SIPA1L2: variants seen among roughly 807,000 people sequenced by gnomAD.
The protein encoded by SIPA1L2 is signal-induced proliferation-associated 1-like protein 2.
Under a neutral mutation model 163.9 loss-of-function variants are expected in SIPA1L2, and 56 were observed. That is an observed-to-expected ratio of 0.34 (90% CI 0.28 to 0.43). SIPA1L2 has a LOEUF of 0.43. Ranked by LOEUF, SIPA1L2 falls within the 20% of genes least tolerant of loss-of-function variation. SIPA1L2 has a pLI of 1.00. For synonymous variants in SIPA1L2, 877 were observed against 865.7 expected, an observed-to-expected ratio of 1.01 and a Z score of -0.23; for missense variants, 1,974 against 2,193.5, an observed-to-expected ratio of 0.90 and a Z score of 2.00.
At chr1:232,489,869 C>T (rs1261703184) in intron 5 of SIPA1L2, among the ~76,000 whole-genome samples, 1 of 152,148 alleles carries the variant, frequency 6.6e-6, no homozygotes, top group Admixed American at 6.5e-5. Context: ...AGTTATTTTG[C>T]ACCTGAAACT....
chr1:232,548,529 T>C (rs1181902551), intron 2 of SIPA1L2, among the ~76,000 whole-genome samples: 1 of 152,258 alleles, frequency 6.6e-6, no homozygotes, highest in African/African-American at 2.4e-5. Flanking sequence ...GTAAGTTCAA[T>C]ATACTTTATT....
chr1:232,478,268 T>C (rs140976256), intron 7 of SIPA1L2, among the ~76,000 whole-genome samples: 3 of 152,272 alleles, frequency 2.0e-5, no homozygotes, highest in Admixed American at 2.0e-4. Flanking sequence ...ACTATGATTA[T>C]TAGAAAACAC....
intron 10 of SIPA1L2, among the ~76,000 whole-genome samples, chr1:232,456,580 T>G (rs1238551835): frequency 6.6e-6 from 1 of 152,244 alleles, no homozygotes; most frequent in East Asian, 1.9e-4. Flanking sequence ...TCACATTATA[T>G]AACAACTCAT....
intron 18 of SIPA1L2, among the ~76,000 whole-genome samples, chr1:232,418,402 G>C (rs1661382845): frequency 6.6e-6 from 1 of 152,190 alleles, no homozygotes. Context: ...AGTCTTGAGT[G>C]AAATAAGCTC....
chr1:232,546,799 G>A (rs538959938), intron 2 of SIPA1L2, among the ~76,000 whole-genome samples: 10 of 152,156 alleles, frequency 6.6e-5, no homozygotes, highest in Non-Finnish European at 1.3e-4. Context: ...AGAGATAACC[G>A]CACAGCACTA....
chr1:232,510,627 A>C (rs1171107998), intron 3 of SIPA1L2, among the ~76,000 whole-genome samples: 1 of 152,264 alleles, frequency 6.6e-6, no homozygotes, highest in Non-Finnish European at 1.5e-5. Flanking sequence ...TCACTTGCAG[A>C]GGAGTCTTTA....
rs772567982 is a variant in SIPA1L2, at chr1:232,461,171, A to G, written c.2821-10T>C. The G allele has an allele frequency of 1.2e-6, 2 of 1,611,876 alleles. No individual in the cohort carries two copies. The highest frequency in any genetic ancestry group is 1.7e-6 in the Non-Finnish European group (2 of 1,178,612). On this transcript the variant is annotated splice_polypyrimidine_tract_variant and intron_variant, in intron 9 of 22. Coordinates refer to ENST00000674635, the MANE Select transcript of SIPA1L2 (RefSeq NM_020808.5). Reference sequence around the variant, plus strand: ...AGCCTCTCGTCACTATCTAAGGGGGAAGGAGACTGTTAGAGATGCCCTTCC... The same window carrying G: ...AGCCTCTCGTCACTATCTAAGGGGGGAGGAGACTGTTAGAGATGCCCTTCC...
At chr1:232,607,898 A>G (rs924327765) in intron 1 of SIPA1L2, among the ~76,000 whole-genome samples, 1 of 151,868 alleles carries the variant, frequency 6.6e-6, no homozygotes, top group Non-Finnish European at 1.5e-5. Flanking sequence ...TCTACTAAAA[A>G]TACAAAATTA....
chr1:232,506,197 T>C lies in SIPA1L2; in HGVS notation c.1483+7660A>G, dbSNP rs372605046. ...AGAAAGTATTGCCCTCTAAAGCCTGTAGCAGTGGTGTGAACAATAGTTTCT... is the reference window on the plus strand; with the variant it reads ...AGAAAGTATTGCCCTCTAAAGCCTGCAGCAGTGGTGTGAACAATAGTTTCT... On this transcript the variant is annotated intron_variant, in intron 3 of 22. Coordinates refer to ENST00000674635, the MANE Select transcript of SIPA1L2 (RefSeq NM_020808.5). 1.7e-3 allele frequency among the ~76,000 whole-genome samples: 265 copies of C among 152,308 alleles called. 2 individuals carry two copies. The highest frequency in any genetic ancestry group is 6.3e-3 in the African/African-American group (261 of 41,562).
chr1:232,540,548 G>A (rs952764945), intron 2 of SIPA1L2, among the ~76,000 whole-genome samples: 1 of 152,062 alleles, frequency 6.6e-6, no homozygotes, highest in Admixed American at 6.5e-5. Context: ...AAGTGAGTCA[G>A]GAAAATAAGA....
chr1:232,609,237 G>C (rs745403926), intron 1 of SIPA1L2, among the ~76,000 whole-genome samples: 1 of 152,114 alleles, frequency 6.6e-6, no homozygotes, highest in African/African-American at 2.4e-5. Flanking sequence ...TCCAGAATCC[G>C]TTTTGTTCAT....
intron 9 of SIPA1L2, among the ~76,000 whole-genome samples, chr1:232,463,258 T>C (rs1465047536): frequency 6.6e-6 from 1 of 152,188 alleles, no homozygotes; most frequent in Non-Finnish European, 1.5e-5. Context: ...ACAGACCCTT[T>C]AGTTCCACTT....
chr1:232,530,745 G>T (rs1004866903), intron 2 of SIPA1L2, among the ~76,000 whole-genome samples: 32 of 152,172 alleles, frequency 2.1e-4, no homozygotes, highest in Admixed American at 1.6e-3. Flanking sequence ...TAGAATTTTA[G>T]AAGGGAGTTG....
At chr1:232,492,034 C>A (rs751331025) in intron 4 of SIPA1L2, among the ~76,000 whole-genome samples, 1 of 152,110 alleles carries the variant, frequency 6.6e-6, no homozygotes, top group Admixed American at 6.5e-5. Context: ...TAAGTAGCCA[C>A]CTGTGGCTAG....
chr1:232,606,296 C>CT (rs1350078957), intron 1 of SIPA1L2, among the ~76,000 whole-genome samples: 4 of 152,004 alleles, frequency 2.6e-5, no homozygotes, highest in African/African-American at 2.4e-5. Context: ...GAGGAATGAA[C>CT]TTTTTTTTGA....
At chr1:232,468,357 A>G (rs1276008670) in intron 8 of SIPA1L2, among the ~76,000 whole-genome samples, 1 of 152,234 alleles carries the variant, frequency 6.6e-6, no homozygotes, top group Non-Finnish European at 1.5e-5. Context: ...GGTTTTAACA[A>G]GGCCTGCTGG....
rs371688017 is a variant in SIPA1L2 at position 232,479,636 on chromosome 1, G to A, written c.2076C>T (p.Asn692=). ...VSTLLPYMPN[N]RQQLLRKRHI... is the part of the protein sequence containing the mutation. ...GCTGGGGAGGACATACCTGTTGTCTGTTGTTGGGCATGTAGGGAAGCAGGG... is the reference window on the plus strand; with the variant it reads ...GCTGGGGAGGACATACCTGTTGTCTATTGTTGGGCATGTAGGGAAGCAGGG... Residue 692 remains asparagine, a synonymous_variant, in exon 7 of 23, where the codon AAC becomes AAT. Transcript: ENST00000674635. The A allele has an allele frequency of 2.2e-5, 35 of 1,613,242 alleles. No individual in the cohort carries two copies. The highest frequency in any genetic ancestry group is 2.6e-5 in the Non-Finnish European group (31 of 1,179,468).
At chr1:232,468,684 T>C (rs1224475608) in intron 8 of SIPA1L2, among the ~76,000 whole-genome samples, 1 of 152,242 alleles carries the variant, frequency 6.6e-6, no homozygotes, top group African/African-American at 2.4e-5. Context: ...ATGTTACATA[T>C]TAGATTTTCT....
chr1:232,429,747 T>C (rs1242264229), intron 16 of SIPA1L2, among the ~76,000 whole-genome samples: 1 of 152,042 alleles, frequency 6.6e-6, no homozygotes, highest in Non-Finnish European at 1.5e-5. Context: ...AAAAGCCACA[T>C]AAGGAAAACA....
Sources: gnomAD v4.1 joint callset for allele counts (sites outside exome capture counted in the v4.1 genomes callset) on GRCh38, gnomAD v4.1.1 for gene constraint, MANE v1.5 for transcripts, NCBI Gene and HGNC (gene_info 2026-07-23, HGNC 2026-07-21) for gene names.